ALDH3A2: variants seen among roughly 807,000 people sequenced by gnomAD.
ALDH3A2 encodes aldehyde dehydrogenase family 3 member A2.
Under a neutral mutation model 51.3 loss-of-function variants are expected in ALDH3A2, and 36 were observed. The observed-to-expected ratio is 0.70, with a 90% CI of 0.54 to 0.93. The LOEUF is 0.93. Among genes scored for constraint, ALDH3A2 ranks in the 40% least tolerant of loss-of-function variants. The pLI, the probability that ALDH3A2 is intolerant of heterozygous loss-of-function variation, is 0.00. For synonymous variants in ALDH3A2, 199 were observed against 219.8 expected (o/e 0.91, Z 0.84); for missense variants, 552 against 603.1 (o/e 0.92, Z 0.89).
At chr17:19,675,287 G>C in intron 9 of ALDH3A2, 1 of 452,584 alleles carries the variant, frequency 2.2e-6, no homozygotes, top group South Asian at 4.2e-5. Context: ...TCTGACATTA[G>C]CTAGTTGACA....
At chr17:19,666,734 G>A (rs1021817471) in intron 8 of ALDH3A2, among the ~76,000 whole-genome samples, 4 of 151,370 alleles carry the variant, frequency 2.6e-5, no homozygotes, top group Admixed American at 6.6e-5. Flanking sequence ...CTGAGATTGC[G>A]CCACTGCACT....
intron 2 of ALDH3A2, 140 bp downstream of exon 2, chr17:19,651,918 C>G (rs1393782304): frequency 1.3e-6 from 1 of 747,914 alleles, no homozygotes; most frequent in African/African-American, 1.8e-5. Flanking sequence ...ACTGAGAATT[C>G]ATACATACCA....
chr17:19,663,829 CA>C (rs4646803), intron 7 of ALDH3A2, among the ~76,000 whole-genome samples: 31,205 of 152,174 alleles, frequency 0.21, 3,629 homozygotes, highest in East Asian at 0.39. Context: ...GATGTTAATC[CA>C]CAGGGCATTG....
chr17:19,649,013 C>T lies in ALDH3A2; in HGVS notation c.42C>T (p.Ser14=), dbSNP rs764149940. The T allele has an allele frequency of 3.8e-6, 6 of 1,582,064 alleles. No individual in the cohort carries two copies. The highest frequency in any genetic ancestry group is 1.2e-5 in the South Asian group (1 of 86,762). Residue 14 remains serine, a synonymous_variant, in exon 1 of 10, where the codon TCC becomes TCT. Coordinates refer to ENST00000176643, the MANE Select transcript of ALDH3A2 (RefSeq NM_000382.3). ...GGCGGGTCCGACAGGCGTTCCTGTC[C>T]GGCCGGTCGCGACCTCTGCGGTTTC... The part of the protein sequence containing the change: ...EVRRVRQAFL[S]GRSRPLRFRL...
At chr17:19,649,520 G>T in intron 1 of ALDH3A2, 1 of 178,452 alleles carries the variant, frequency 5.6e-6, no homozygotes, top group Non-Finnish European at 1.2e-5. Flanking sequence ...CAGTGGGAGA[G>T]TTGCATACCA....
chr17:19,677,534 T>A lies in ALDH3A2; in HGVS notation c.*1962T>A, dbSNP rs1440769229. ...GGTATGGAACCTCAGATATACCCTA[T>A]TGGAGACAATCCTTTGATCATAAAT... On this transcript the variant is annotated 3_prime_UTR_variant, in exon 10 of 10. Transcript: ENST00000176643. 2 of 152,234 alleles carry A rather than the reference T, an allele frequency of 1.3e-5. No individual in the cohort carries two copies. Among genetic ancestry groups the A allele is most frequent in the African/African-American group, 2.4e-5 (1 of 41,468 alleles). The allele number at this position is 152,234 out of a possible 1,614,324, so 9.4% of individuals were successfully genotyped here. A position where few individuals can be genotyped will look rare whatever the true frequency, so the allele number is the denominator to read the frequency against.
chr17:19,661,025 A>T, intron 5 of ALDH3A2, 102 bp from the exon 6 acceptor site: 1 of 1,143,662 alleles, frequency 8.7e-7, no homozygotes, highest in Non-Finnish European at 1.3e-6. Context: ...TTCTGTGAGG[A>T]TATAAAACCA....
At chr17:19,655,517 G>A (rs1161746618) in intron 3 of ALDH3A2, 4 of 152,430 alleles carry the variant, frequency 2.6e-5, no homozygotes, top group Non-Finnish European at 5.9e-5. Flanking sequence ...TGTAGATTAA[G>A]CCATAGAAAA....
At chr17:19,652,794 G>T in intron 3 of ALDH3A2, 162 bp downstream of exon 3, 1 of 666,308 alleles carries the variant, frequency 1.5e-6, no homozygotes, top group Non-Finnish European at 2.7e-6. Context: ...CAAAATACAC[G>T]GAGTGTATTT....
At position 19,676,563 on chromosome 17, in the gene ALDH3A2, GGATTGATTGAGCCTGC is replaced by G. The variant is rs969399949; in HGVS notation, c.*994_*1009del. On this transcript the variant is annotated 3_prime_UTR_variant, in exon 10 of 10. Transcript: ENST00000176643. ...AGCTGCTTAGGAGGCTGAAGCAGGAGGATTGATTGAGCCTGCGAGGCCAAGGCTGCAGCAGGCTGTG... is the reference window on the plus strand; with the variant it reads ...AGCTGCTTAGGAGGCTGAAGCAGGAGGAGGCCAAGGCTGCAGCAGGCTGTG... 4 of 152,306 alleles carry G rather than the reference GGATTGATTGAGCCTGC, an allele frequency of 2.6e-5. No homozygotes were observed. The highest frequency in any genetic ancestry group is 9.6e-5 in the African/African-American group (4 of 41,552). The allele number at this position is 152,306 out of a possible 1,614,324, so 9.4% of individuals were successfully genotyped here.
chr17:19,657,980 G>A (rs2084919614), intron 5 of ALDH3A2, 118 bp downstream of exon 5: 2 of 795,564 alleles, frequency 2.5e-6, no homozygotes, highest in South Asian at 1.5e-5. Context: ...AATCATATGT[G>A]ACTCAGTGAA....
chr17:19,652,757 G>T, intron 3 of ALDH3A2, 125 bp downstream of exon 3: 2 of 822,258 alleles, frequency 2.4e-6, no homozygotes. Context: ...GCCTTCAACA[G>T]TTGGCTTAGC....
intron 8 of ALDH3A2, among the ~76,000 whole-genome samples, chr17:19,669,453 T>TA: frequency 6.6e-6 from 1 of 152,306 alleles, no homozygotes; most frequent in South Asian, 2.1e-4. Flanking sequence ...CAGTACTCAA[T>TA]AAAAACACGT....
At chr17:19,667,407 A>G (rs1385239085) in intron 8 of ALDH3A2, among the ~76,000 whole-genome samples, 2 of 152,206 alleles carry the variant, frequency 1.3e-5, no homozygotes, top group African/African-American at 2.4e-5. Context: ...AAAAATGTCT[A>G]CAAGTGTAAT....
At chr17:19,667,565 T>C (rs1404452476) in intron 8 of ALDH3A2, among the ~76,000 whole-genome samples, 1 of 152,180 alleles carries the variant, frequency 6.6e-6, no homozygotes, top group Non-Finnish European at 1.5e-5. Flanking sequence ...TTTTCTTTTT[T>C]TTTTCTTTTT....
At chr17:19,652,501 A>T in intron 2 of ALDH3A2, 46 bp from the exon 3 acceptor site, 2 of 1,451,062 alleles carry the variant, frequency 1.4e-6, no homozygotes, top group South Asian at 1.1e-5. Flanking sequence ...GGTAGCTATT[A>T]AAGTTAAATA....
At chr17:19,667,142 C>T (rs2085049636) in intron 8 of ALDH3A2, among the ~76,000 whole-genome samples, 1 of 152,230 alleles carries the variant, frequency 6.6e-6, no homozygotes, top group African/African-American at 2.4e-5. Flanking sequence ...TATACACGGT[C>T]ATCTGAATAT....
rs747913174 is a variant in ALDH3A2 at position 19,651,680 on chromosome 17, A to G, written c.287A>G (p.Tyr96Cys). ...GTGCTCACCATGCTGGATGAGGCCT[A>G]TATTCAGCCACAGCCTCTGGGAGTG... The part of the protein sequence containing the change: ...KNVLTMLDEA[Y>C]IQPQPLGVVL... Residue 96 changes from tyrosine (Y) to cysteine (C), a missense_variant, in exon 2 of 10, where the codon TAT becomes TGT. Physicochemically the swap from Tyr to Cys is radical, Grantham distance 194 (BLOSUM62 -2). Transcript: ENST00000176643. The G allele has an allele frequency of 6.2e-6, 10 of 1,614,100 alleles. No homozygotes were observed. Among genetic ancestry groups the G allele is most frequent in the East Asian group, 2.2e-5 (1 of 44,904 alleles).
chr17:19,671,153 TATC>T (rs1276090900), intron 8 of ALDH3A2, among the ~76,000 whole-genome samples: 3 of 152,240 alleles, frequency 2.0e-5, no homozygotes, highest in East Asian at 1.9e-4. Flanking sequence ...ACTTGCTTAT[TATC>T]ATCCAGCTGT....
Sources: allele counts gnomAD v4.1 joint callset (sites outside exome capture counted in the v4.1 genomes callset), GRCh38; gene constraint gnomAD v4.1.1; transcripts MANE v1.5; gene names NCBI Gene and HGNC (gene_info 2026-07-23, HGNC 2026-07-21).